The following DMXL2 variants were observed in gnomAD, a reference collection of about 807,000 sequenced individuals.
The protein encoded by DMXL2 is Dmx like 2, also known as dmX-like protein 2.
In DMXL2, 103 loss-of-function variants were observed where a neutral mutation model predicts 331.1. That is an observed-to-expected ratio of 0.31 (90% CI 0.27 to 0.37). DMXL2 has a LOEUF of 0.37. Ranked by LOEUF, DMXL2 falls within the 10% of genes least tolerant of loss-of-function variation. The probability of loss-of-function intolerance (pLI) is 1.00; values close to 1 mark genes in which losing one functional copy is unlikely to be tolerated. For missense variants in DMXL2, 3,171 were observed against 3,642.9 expected, an observed-to-expected ratio of 0.87 and a Z score of 3.33; for synonymous variants, 1,281 against 1,252.1, an observed-to-expected ratio of 1.02 and a Z score of -0.49.
At chr15:51,477,203 A>T (rs1191824437) in intron 26 of DMXL2, among the ~76,000 whole-genome samples, 1 of 152,112 alleles carries the variant, frequency 6.6e-6, no homozygotes, top group East Asian at 1.9e-4. Context: ...CCTAAAACCA[A>T]ATGTCCCTAA....
At chr15:51,548,606 A>G (rs1170455280) in intron 6 of DMXL2, among the ~76,000 whole-genome samples, 1 of 152,054 alleles carries the variant, frequency 6.6e-6, no homozygotes, top group African/African-American at 2.4e-5. Context: ...GAGCCCCTCA[A>G]AAGTCACAAT....
At chr15:51,453,023 T>C (rs946549902) in intron 41 of DMXL2, among the ~76,000 whole-genome samples, 2 of 151,932 alleles carry the variant, frequency 1.3e-5, no homozygotes, top group African/African-American at 4.8e-5. Flanking sequence ...CACTTGTAAG[T>C]GGGAGCTAAG....
chr15:51,504,050 TTTAAAACACA>T (rs1397537911), intron 16 of DMXL2, among the ~76,000 whole-genome samples: 9 of 152,212 alleles, frequency 5.9e-5, no homozygotes, highest in African/African-American at 2.2e-4. Flanking sequence ...GCTTACAACC[TTTAAAACACA>T]TTAAAAGCTT....
intron 1 of DMXL2, among the ~76,000 whole-genome samples, chr15:51,604,085 T>C (rs757321267): frequency 2.6e-5 from 4 of 152,042 alleles, no homozygotes; most frequent in Non-Finnish European, 5.9e-5. Flanking sequence ...ATACTGGTAC[T>C]ACAAGACTGA....
At chr15:51,608,179 A>G (rs1177183622) in intron 1 of DMXL2, among the ~76,000 whole-genome samples, 1 of 119,906 alleles carries the variant, frequency 8.3e-6, no homozygotes, top group Admixed American at 8.6e-5. Flanking sequence ...AGCAAGACTC[A>G]GTCTCAAAAA....
At position 51,499,745 on chromosome 15, in the gene DMXL2, T is replaced by C; in HGVS notation, c.3479A>G (p.Tyr1160Cys). 2 of 1,614,132 alleles carry C rather than the reference T, an allele frequency of 1.2e-6. No homozygotes were observed. The highest frequency in any genetic ancestry group is 1.1e-5 in the South Asian group (1 of 91,082). ...TAAATGTTTGATATTCGGAATAAGA[T>C]ATCTATCCTTGCTCAAGAGTGCATC... ...KSDALLSKDR[Y>C]LIPNIKHLVH... is the part of the protein sequence containing the mutation. Residue 1160 changes from tyrosine (Y) to cysteine (C), a missense_variant, in exon 18 of 44, where the codon TAT becomes TGT. Transcript: ENST00000560891.
intron 29 of DMXL2, among the ~76,000 whole-genome samples, chr15:51,468,598 C>T (rs570542437): frequency 5.7e-4 from 87 of 152,286 alleles, no homozygotes; most frequent in African/African-American, 2.1e-3. Flanking sequence ...TCCTGTCTTT[C>T]CGACTCAAAA....
chr15:51,576,112 CA>C lies in DMXL2; in HGVS notation c.156del (p.Ala53LeufsTer36). 1 of 1,544,114 alleles carries C rather than the reference CA, an allele frequency of 6.5e-7. No individual in the cohort carries two copies. ...CTGACTTGGATGTTTCCATGCTTAG[CA>C]CCAGGAATGATCTGTACACATTCAA... ...NDFECVQIIP[G>X]AKHGNIQVSC... On this transcript the variant is annotated frameshift_variant, in exon 2 of 44. Transcript: ENST00000560891. LOFTEE classifies it high-confidence loss of function.
chr15:51,558,327 T>A (rs186875669), intron 6 of DMXL2, among the ~76,000 whole-genome samples: 91 of 152,306 alleles, frequency 6.0e-4, no homozygotes, highest in African/African-American at 2.2e-3. Context: ...TACACTTGAA[T>A]CCTTATCTCA....
Position 51,498,902 on chromosome 15 carries a change from G to T in DMXL2, c.4322C>A (p.Thr1441Lys). 1.2e-6 allele frequency: 2 copies of T among 1,614,100 alleles called. No individual in the cohort carries two copies. The highest frequency in any genetic ancestry group is 2.2e-5 in the South Asian group (2 of 91,086). Residue 1441 changes from threonine (T) to lysine (K), a missense_variant, in exon 18 of 44, where the codon ACA becomes AAA. Thr to Lys is a moderately conservative substitution (Grantham distance 78). Around this residue, in one of 7 missense-constraint regions of DMXL2, gnomAD observed 1,674 missense variants for 1,780.2 expected, o/e 0.94. Transcript: ENST00000560891. ...LYALLAADQD[T>K]SYRISEESTK... is the part of the protein sequence containing the mutation. ...ACTTTCTTCTGAAATTCTGTAGGAT[G>T]TATCTTGATCTGCAGCAAGTAATGC...
intron 10 of DMXL2, 49 bp from the exon 11 acceptor site, chr15:51,537,808 A>G (rs765789515): frequency 1.3e-6 from 2 of 1,521,222 alleles, no homozygotes; most frequent in African/African-American, 2.8e-5. Context: ...TAATTCATTT[A>G]CATACTAGAC....
chr15:51,457,545 A>G (rs1483763618), intron 36 of DMXL2, 79 bp from the exon 37 acceptor site: 1 of 1,468,128 alleles, frequency 6.8e-7, no homozygotes, highest in Non-Finnish European at 9.3e-7. Flanking sequence ...CTTCTTATGT[A>G]CCCATAGGAC....
chr15:51,599,862 G>C (rs2053104378), intron 1 of DMXL2, among the ~76,000 whole-genome samples: 1 of 152,160 alleles, frequency 6.6e-6, no homozygotes, highest in South Asian at 2.1e-4. Flanking sequence ...AACATGCCCA[G>C]CTAATTTTTT....
intron 6 of DMXL2, among the ~76,000 whole-genome samples, chr15:51,560,519 A>C (rs1273924290): frequency 6.7e-6 from 1 of 149,338 alleles, no homozygotes; most frequent in African/African-American, 2.4e-5. Context: ...AAAAAAAAAA[A>C]AAAAAAAAAA....
chr15:51,495,801 T>C (rs1158989236), intron 18 of DMXL2, among the ~76,000 whole-genome samples: 1 of 152,040 alleles, frequency 6.6e-6, no homozygotes, highest in African/African-American at 2.4e-5. Flanking sequence ...AACTGACACT[T>C]TGGAAGTACT....
intron 2 of DMXL2, among the ~76,000 whole-genome samples, chr15:51,575,029 G>A (rs960716140): frequency 2.6e-5 from 4 of 152,120 alleles, no homozygotes; most frequent in African/African-American, 4.8e-5. Context: ...CAATGCTTGA[G>A]GGTGGGGAGT....
In DMXL2 at chr15:51,498,673, A is replaced by G; in HGVS notation, c.4551T>C (p.His1517=). The G allele has an allele frequency of 6.2e-7, 1 of 1,614,158 alleles. No homozygotes were observed. The highest frequency in any genetic ancestry group is 8.5e-7 in the Non-Finnish European group (1 of 1,180,022). Residue 1517 remains histidine, a synonymous_variant, in exon 18 of 44, where the codon CAT becomes CAC. Transcript: ENST00000560891. The part of the protein sequence containing the change: ...GQEHARVLSS[H]LMHSSLPGLT... Reference sequence around the variant, plus strand: ...GGCCTGGTAGACTTGAGTGCATAAGATGACTTGAAAGTACCCTTGCATGTT... The same window carrying G: ...GGCCTGGTAGACTTGAGTGCATAAGGTGACTTGAAAGTACCCTTGCATGTT...
chr15:51,457,998 G>A (rs2039789246), intron 36 of DMXL2: 2 of 156,844 alleles, frequency 1.3e-5, no homozygotes, highest in African/African-American at 4.8e-5. Context: ...CAATTTCTAA[G>A]AGTCTGGAGA....
intron 37 of DMXL2, 49 bp from the exon 38 acceptor site, chr15:51,456,418 G>A: frequency 9.2e-7 from 1 of 1,087,318 alleles, no homozygotes. Context: ...CAGAAAAGAT[G>A]AGGAAGGATA....
Sources: allele counts gnomAD v4.1 joint callset (sites outside exome capture counted in the v4.1 genomes callset), GRCh38; gene constraint gnomAD v4.1.1; regional missense constraint gnomAD v4.1.1; transcripts MANE v1.5; gene names NCBI Gene and HGNC (gene_info 2026-07-23, HGNC 2026-07-21).